Variants in NTM observed in about 807,000 individuals in gnomAD.
NTM encodes neurotrimin, also known as IgLON family member 2.
In NTM, 13 loss-of-function variants were observed where a neutral mutation model predicts 42.1. That is an observed-to-expected ratio of 0.31 (90% CI 0.20 to 0.49). NTM has a LOEUF of 0.49. Ranked by LOEUF, NTM falls within the 20% of genes least tolerant of loss-of-function variation. The pLI is 0.99. For synonymous variants in NTM, 187 were observed against 179.2 expected, an observed-to-expected ratio of 1.04 and a Z score of -0.35; for missense variants, 373 against 452.8, an observed-to-expected ratio of 0.82 and a Z score of 1.60.
At chr11:131,568,028 C>T (rs1043412392) in intron 1 of NTM, among the ~76,000 whole-genome samples, 2 of 152,240 alleles carry the variant, frequency 1.3e-5, no homozygotes, top group Admixed American at 1.3e-4. Context: ...ACCGCATCAT[C>T]AGCTGAGAGC....
chr11:131,659,157 G>T (rs1436377358), intron 1 of NTM, among the ~76,000 whole-genome samples: 1 of 152,196 alleles, frequency 6.6e-6, no homozygotes, highest in Non-Finnish European at 1.5e-5. Context: ...GCAGACCACA[G>T]TCAAAACCAC....
At chr11:131,596,158 T>G (rs1455644816) in intron 1 of NTM, among the ~76,000 whole-genome samples, 1 of 152,210 alleles carries the variant, frequency 6.6e-6, no homozygotes, top group Non-Finnish European at 1.5e-5. Context: ...AACTCCGAGG[T>G]GCTGTTGACC....
At chr11:131,880,897 T>C (rs1359137242) in intron 1 of NTM, among the ~76,000 whole-genome samples, 1 of 152,126 alleles carries the variant, frequency 6.6e-6, no homozygotes, top group African/African-American at 2.4e-5. Context: ...TGCAAAGATA[T>C]AGGGCTCCTG....
chr11:131,822,449 T>A (rs1191511181), intron 1 of NTM, among the ~76,000 whole-genome samples: 1 of 152,188 alleles, frequency 6.6e-6, no homozygotes, highest in Non-Finnish European at 1.5e-5. Flanking sequence ...GAATTATGGT[T>A]TTTTTAAAAA....
intron 7 of NTM, among the ~76,000 whole-genome samples, chr11:132,315,362 C>T (rs985248995): frequency 3.3e-5 from 5 of 152,204 alleles, no homozygotes; most frequent in African/African-American, 1.2e-4. Flanking sequence ...CAGACATGAG[C>T]CTGCCTTCCT....
At chr11:132,085,584 TAA>T (rs1353275692) in intron 2 of NTM, among the ~76,000 whole-genome samples, 1 of 152,262 alleles carries the variant, frequency 6.6e-6, no homozygotes, top group Non-Finnish European at 1.5e-5. Flanking sequence ...TCTCAAAGAT[TAA>T]AGTCACATGA....
chr11:131,619,751 C>T (rs2062329930), intron 1 of NTM, among the ~76,000 whole-genome samples: 1 of 151,498 alleles, frequency 6.6e-6, no homozygotes, highest in African/African-American at 2.4e-5. Flanking sequence ...AAAAATGTAA[C>T]AGATAAGTCA....
chr11:131,890,166 C>A lies in NTM; in HGVS notation c.83-21398C>A, dbSNP rs145278256. ...TCTCTCTCTCTCTCTGTCTCTCTCTCTCTCTCTCTCTGTCTCTCTCTCTCT... is the reference window on the plus strand; with the variant it reads ...TCTCTCTCTCTCTCTGTCTCTCTCTATCTCTCTCTCTGTCTCTCTCTCTCT... On this transcript the variant is annotated intron_variant, in intron 1 of 8. Transcript: ENST00000683400. Among the ~76,000 whole-genome samples, 3 of 50,222 alleles carry A rather than the reference C, an allele frequency of 6.0e-5. No homozygotes were observed. The South Asian group carries it at 1.4e-3, about 24-fold the overall frequency. 32.9% of individuals were successfully genotyped at this position (50,222 alleles called of 152,430 possible). A position where few individuals can be genotyped will look rare whatever the true frequency, so the allele number is the denominator to read the frequency against.
At chr11:131,392,547 G>A (rs530761802) in intron 1 of NTM, among the ~76,000 whole-genome samples, 133 of 152,364 alleles carry the variant, frequency 8.7e-4, no homozygotes, top group African/African-American at 2.9e-3. Flanking sequence ...AGAGAGAAGA[G>A]CAAATTCAAT....
intron 3 of NTM, among the ~76,000 whole-genome samples, chr11:132,209,216 C>A (rs1473254106): frequency 1.3e-5 from 2 of 152,234 alleles, no homozygotes. Context: ...ATTAACTCAT[C>A]AGTTACCTTT....
chr11:131,455,624 A>G (rs975973575), intron 1 of NTM, among the ~76,000 whole-genome samples: 4 of 152,196 alleles, frequency 2.6e-5, no homozygotes, highest in Non-Finnish European at 4.4e-5. Flanking sequence ...GCTAAAGTCC[A>G]GGCTCAAATA....
intron 1 of NTM, among the ~76,000 whole-genome samples, chr11:131,893,501 A>C (rs1378179100): frequency 1.3e-5 from 2 of 152,192 alleles, no homozygotes; most frequent in African/African-American, 4.8e-5. Context: ...TGGGTCTGCC[A>C]ATGTCTATGA....
chr11:131,868,412 C>T (rs757100543), intron 1 of NTM, among the ~76,000 whole-genome samples: 3 of 152,256 alleles, frequency 2.0e-5, no homozygotes, highest in South Asian at 2.1e-4. Flanking sequence ...GTGGGCTTTC[C>T]GCACTCCGGC....
At chr11:132,082,425 ATTC>A (rs1393524047) in intron 2 of NTM, among the ~76,000 whole-genome samples, 1 of 152,170 alleles carries the variant, frequency 6.6e-6, no homozygotes, top group Non-Finnish European at 1.5e-5. Context: ...GCTCCACTCC[ATTC>A]CCCCGGTATG....
chr11:131,976,002 C>T (rs1024009228), intron 2 of NTM, among the ~76,000 whole-genome samples: 1 of 152,126 alleles, frequency 6.6e-6, no homozygotes, highest in African/African-American at 2.4e-5. Context: ...CCTGCCCTCC[C>T]TGGGGTCTTG....
At chr11:132,171,787 C>T (rs375511701) in intron 3 of NTM, among the ~76,000 whole-genome samples, 2 of 152,300 alleles carry the variant, frequency 1.3e-5, no homozygotes, top group East Asian at 1.9e-4. Context: ...ATAGATAGAT[C>T]AGAATTTATG....
intron 1 of NTM, among the ~76,000 whole-genome samples, chr11:131,691,271 GCCCAGCAAGCGC>G (rs1424544621): frequency 6.6e-6 from 1 of 152,214 alleles, no homozygotes; most frequent in African/African-American, 2.4e-5. Flanking sequence ...AGATCCTCAG[GCCCAGCAAGCGC>G]CCCTCTGTTG....
intron 1 of NTM, among the ~76,000 whole-genome samples, chr11:131,425,545 C>A (rs1269114093): frequency 1.3e-5 from 2 of 152,172 alleles, no homozygotes; most frequent in Non-Finnish European, 2.9e-5. Context: ...CCTTCACAAT[C>A]ACTAAAACAA....
intron 1 of NTM, among the ~76,000 whole-genome samples, chr11:131,405,294 A>G (rs938325875): frequency 2.0e-5 from 3 of 152,164 alleles, no homozygotes; most frequent in African/African-American, 7.2e-5. Flanking sequence ...TTCCCCATGA[A>G]CTTCATTGCA....
Sources: gnomAD v4.1 joint callset for allele counts (sites outside exome capture counted in the v4.1 genomes callset) on GRCh38, gnomAD v4.1.1 for gene constraint, MANE v1.5 for transcripts, NCBI Gene and HGNC (gene_info 2026-07-23, HGNC 2026-07-21) for gene names.